Variants in FAF1 observed in about 807,000 individuals in gnomAD.
The protein encoded by FAF1 is FAS-associated factor 1.
Under a neutral mutation model 92.5 loss-of-function variants are expected in FAF1, and 25 were observed. The ratio of observed to expected loss-of-function variants is 0.27; its 90% CI spans 0.20 to 0.38. FAF1 has a LOEUF of 0.38. Ranked by LOEUF, FAF1 falls within the 10% of genes least tolerant of loss-of-function variation. FAF1 has a pLI of 1.00. For missense variants in FAF1, 636 were observed against 793.3 expected (o/e 0.80, Z 2.38); for synonymous variants, 234 against 273.2 (o/e 0.86, Z 1.42).
At chr1:50,542,580 T>C (rs976769317) in intron 13 of FAF1, among the ~76,000 whole-genome samples, 46 of 152,340 alleles carry the variant, frequency 3.0e-4, no homozygotes, top group African/African-American at 1.0e-3. Flanking sequence ...AGGGCCAAAG[T>C]TGTCAACCCA....
At chr1:50,796,075 C>CA (rs889468766) in intron 3 of FAF1, among the ~76,000 whole-genome samples, 59 of 150,556 alleles carry the variant, frequency 3.9e-4, no homozygotes, top group Middle Eastern at 3.4e-3. Flanking sequence ...AAAACAAAAA[C>CA]AAAAAAAAAC....
At chr1:50,735,070 A>G (rs1659085810) in intron 6 of FAF1, among the ~76,000 whole-genome samples, 1 of 152,216 alleles carries the variant, frequency 6.6e-6, no homozygotes, top group African/African-American at 2.4e-5. Flanking sequence ...AATATTTTCT[A>G]TACAGGAATA....
intron 8 of FAF1, among the ~76,000 whole-genome samples, chr1:50,627,443 C>T (rs144261202): frequency 2.0e-5 from 3 of 152,048 alleles, no homozygotes; most frequent in African/African-American, 7.2e-5. Context: ...CCTGCCTCAT[C>T]AATAGTAGAA....
chr1:50,519,156 C>G (rs142887474), intron 15 of FAF1, among the ~76,000 whole-genome samples: 2,676 of 151,868 alleles, frequency 0.018, 26 homozygotes, highest in Non-Finnish European at 0.028. Context: ...ATGGTGAAAC[C>G]CTGTCTCTAC....
chr1:50,574,062 G>A (rs763712347), intron 12 of FAF1, among the ~76,000 whole-genome samples: 1 of 152,118 alleles, frequency 6.6e-6, no homozygotes, highest in Non-Finnish European at 1.5e-5. Context: ...GGAGGCAGAG[G>A]TTGTAGTGAG....
intron 2 of FAF1, among the ~76,000 whole-genome samples, 182 bp downstream of exon 2, chr1:50,857,744 CATA>C (rs1296893607): frequency 6.6e-6 from 1 of 151,690 alleles, no homozygotes; most frequent in African/African-American, 2.4e-5. Flanking sequence ...TCTAAGTATT[CATA>C]ATAACTTAAT....
Position 50,827,045 on chromosome 1 carries a change from C to T in FAF1, c.115-25368G>A, listed in dbSNP as rs938994382. On this transcript the variant is annotated intron_variant, in intron 2 of 18. Transcript: ENST00000396153. The stretch of plus-strand genomic sequence containing the variant: ...GCCGCCCCGTCTGGGAGGTGAGGAG[C>T]GCCTCTGCCCAGCCACCCCGTCTGG... Among the ~76,000 whole-genome samples the T allele has an allele frequency of 8.0e-5, 12 of 149,882 alleles. No individual in the cohort carries two copies. In the East Asian group the frequency reaches 1.4e-3, roughly 17 times the overall value.
intron 8 of FAF1, among the ~76,000 whole-genome samples, chr1:50,621,556 C>T (rs1249610380): frequency 6.6e-6 from 1 of 151,698 alleles, no homozygotes; most frequent in Admixed American, 6.6e-5. Context: ...CGCACCACCA[C>T]ACAGTTAATT....
chr1:50,767,648 G>T (rs1325221606), intron 4 of FAF1, among the ~76,000 whole-genome samples: 2 of 152,082 alleles, frequency 1.3e-5, no homozygotes, highest in African/African-American at 4.8e-5. Flanking sequence ...AGAGATTGGG[G>T]GTTTATATTC....
intron 8 of FAF1, among the ~76,000 whole-genome samples, chr1:50,606,605 T>A (rs1652428079): frequency 6.7e-6 from 1 of 149,004 alleles, no homozygotes; most frequent in Non-Finnish European, 1.5e-5. Flanking sequence ...GTTCAAGCGA[T>A]TCTCCTGCTT....
At chr1:50,481,131 T>C (rs994949796) in intron 17 of FAF1, among the ~76,000 whole-genome samples, 1 of 152,142 alleles carries the variant, frequency 6.6e-6, no homozygotes, top group African/African-American at 2.4e-5. Context: ...AATCAGAAAG[T>C]TAAAAAAATT....
In FAF1 at chr1:50,785,610, CA is replaced by C. The variant is rs201585272; in HGVS notation, c.367+2389del. ...CACATCTTTTAGGATGGCTACTATA[CA>C]AAAAAAAAAGGAAAGAAAAGAAAAG... On this transcript the variant is annotated intron_variant, in intron 4 of 18. Coordinates refer to ENST00000396153, the MANE Select transcript of FAF1 (RefSeq NM_007051.3). Among the ~76,000 whole-genome samples, 184 of 103,944 alleles carry C rather than the reference CA, an allele frequency of 1.8e-3. 1 individual carries two copies. In the Middle Eastern group the frequency reaches 0.023, roughly 13 times the overall value. 68.2% of individuals were successfully genotyped at this position (103,944 alleles called of 152,430 possible).
chr1:50,777,743 G>GAAA (rs549071005), intron 4 of FAF1, among the ~76,000 whole-genome samples: 4 of 79,954 alleles, frequency 5.0e-5, no homozygotes, highest in Non-Finnish European at 1.1e-4. Flanking sequence ...TTCATTTTAA[G>GAAA]AAAAAAAAAA....
chr1:50,729,058 A>T (rs78586429), intron 6 of FAF1, among the ~76,000 whole-genome samples: 9,495 of 69,852 alleles, frequency 0.14, 891 homozygotes, highest in East Asian at 0.15. Context: ...ATATATATAT[A>T]TTTTTTTTTT....
At chr1:50,534,985 C>T (rs1648396254) in intron 15 of FAF1, among the ~76,000 whole-genome samples, 1 of 152,006 alleles carries the variant, frequency 6.6e-6, no homozygotes, top group African/African-American at 2.4e-5. Flanking sequence ...GTGTTTATTG[C>T]TAATTAATCT....
chr1:50,869,533 T>G (rs551958031), intron 1 of FAF1, among the ~76,000 whole-genome samples: 1 of 152,214 alleles, frequency 6.6e-6, no homozygotes, highest in Non-Finnish European at 1.5e-5. Flanking sequence ...TTTATTCATT[T>G]GAATATTATC....
intron 13 of FAF1, among the ~76,000 whole-genome samples, chr1:50,561,836 T>C (rs1218309925): frequency 1.5e-5 from 2 of 134,570 alleles, no homozygotes; most frequent in Admixed American, 7.4e-5. Context: ...GACAGACGGA[T>C]GGACGGATGG....
chr1:50,487,268 C>G (rs1191872530), intron 17 of FAF1, among the ~76,000 whole-genome samples: 1 of 152,152 alleles, frequency 6.6e-6, no homozygotes, highest in Non-Finnish European at 1.5e-5. Flanking sequence ...AACTTGTAAA[C>G]TATCATATTT....
chr1:50,599,752 T>C (rs1056909699), intron 8 of FAF1, among the ~76,000 whole-genome samples: 1 of 152,134 alleles, frequency 6.6e-6, no homozygotes, highest in Non-Finnish European at 1.5e-5. Context: ...AATCAGCCAC[T>C]TTTTTTCAGA....
Sources: gnomAD v4.1 joint callset for allele counts (sites outside exome capture counted in the v4.1 genomes callset) on GRCh38, gnomAD v4.1.1 for gene constraint, MANE v1.5 for transcripts, NCBI Gene and HGNC (gene_info 2026-07-23, HGNC 2026-07-21) for gene names.